SLIT3: variants seen among roughly 807,000 people sequenced by gnomAD.
The protein encoded by SLIT3 is slit guidance ligand 3, also known as slit homolog 3 protein.
Under a neutral mutation model 184.0 loss-of-function variants are expected in SLIT3, and 68 were observed. The ratio of observed to expected loss-of-function variants is 0.37; its 90% CI spans 0.30 to 0.45. The LOEUF (loss-of-function observed/expected upper bound fraction) is 0.45, where lower values mean the gene tolerates loss of function less well. SLIT3 is among the 20% of genes least tolerant of loss of function. The pLI, the probability that SLIT3 is intolerant of heterozygous loss-of-function variation, is 1.00. For synonymous variants in SLIT3, 831 were observed against 828.6 expected (o/e 1.00, Z -0.05); for missense variants, 1,707 against 2,026.0 (o/e 0.84, Z 3.02).
intron 12 of SLIT3, among the ~76,000 whole-genome samples, chr5:168,783,648 A>G (rs1424854722): frequency 1.3e-5 from 2 of 152,222 alleles, no homozygotes; most frequent in African/African-American, 4.8e-5. Flanking sequence ...TCAGACTACC[A>G]GAGTATTCTA....
chr5:168,672,746 T>G (rs1271008685), intron 33 of SLIT3, among the ~76,000 whole-genome samples: 2 of 152,224 alleles, frequency 1.3e-5, no homozygotes, highest in Non-Finnish European at 2.9e-5. Flanking sequence ...AGTGTTGGGA[T>G]TACAGGTGTG....
chr5:168,695,811 T>A (rs1762045903), intron 28 of SLIT3, among the ~76,000 whole-genome samples: 1 of 152,184 alleles, frequency 6.6e-6, no homozygotes, highest in African/African-American at 2.4e-5. Flanking sequence ...ATGTTCTCTT[T>A]CTAATGAATC....
rs533553803 is a variant in SLIT3, at chr5:168,876,929, A to T, written c.485+6336T>A. Among the ~76,000 whole-genome samples, 70 of 152,360 alleles carry T rather than the reference A, an allele frequency of 4.6e-4. No individual in the cohort carries two copies. The Middle Eastern group carries it at 0.014, about 30-fold the overall frequency. On this transcript the variant is annotated intron_variant, in intron 5 of 35. Transcript: ENST00000519560. ...AGTATATGGTATATATAATTTTCAT[A>T]TAAAGCATTTTAACAATGTGTATGA...
intron 4 of SLIT3, among the ~76,000 whole-genome samples, chr5:169,157,847 G>T (rs565462434): frequency 7.4e-4 from 112 of 151,722 alleles, no homozygotes; most frequent in Non-Finnish European, 1.4e-3. Context: ...AGAACCAAAT[G>T]AAAATTTCAG....
At chr5:169,202,287 C>T (rs1763925900) in intron 3 of SLIT3, among the ~76,000 whole-genome samples, 1 of 152,052 alleles carries the variant, frequency 6.6e-6, no homozygotes, top group African/African-American at 2.4e-5. Context: ...GTCCATCTAT[C>T]CATCCTTCCT....
chr5:168,881,349 A>G (rs1759944961), intron 5 of SLIT3, among the ~76,000 whole-genome samples: 1 of 152,218 alleles, frequency 6.6e-6, no homozygotes, highest in African/African-American at 2.4e-5. Context: ...AAACCCTAGC[A>G]ACTATTAAGA....
intron 5 of SLIT3, among the ~76,000 whole-genome samples, chr5:168,867,554 G>A (rs1205290795): frequency 2.0e-5 from 3 of 152,200 alleles, no homozygotes; most frequent in Non-Finnish European, 2.9e-5. Context: ...TCTGGAACAT[G>A]CCAGGGCCAT....
chr5:169,104,126 C>T (rs1215303715), intron 4 of SLIT3, among the ~76,000 whole-genome samples: 1 of 152,220 alleles, frequency 6.6e-6, no homozygotes, highest in Non-Finnish European at 1.5e-5. Flanking sequence ...TCTTACCTCT[C>T]CTTCTCTGGG....
chr5:168,746,238 T>C (rs1317390160), intron 20 of SLIT3, among the ~76,000 whole-genome samples: 1 of 150,806 alleles, frequency 6.6e-6, no homozygotes, highest in Non-Finnish European at 1.5e-5. Context: ...GCAAAAGAGA[T>C]GTCAAAGTCA....
intron 1 of SLIT3, among the ~76,000 whole-genome samples, chr5:169,299,532 T>G (rs1767614786): frequency 6.6e-6 from 1 of 152,074 alleles, no homozygotes; most frequent in Non-Finnish European, 1.5e-5. Context: ...ACTTCTCGGC[T>G]GGGTTCCCAG....
chr5:168,828,733 G>T (rs11956426), intron 6 of SLIT3, among the ~76,000 whole-genome samples: 16,761 of 151,292 alleles, frequency 0.11, 1,244 homozygotes, highest in African/African-American at 0.21. Flanking sequence ...TGTTAGAAAT[G>T]CATATGCTCA....
chr5:169,009,620 C>A (rs960343035), intron 4 of SLIT3, among the ~76,000 whole-genome samples: 1 of 152,208 alleles, frequency 6.6e-6, no homozygotes, highest in Non-Finnish European at 1.5e-5. Context: ...ATAGTGACAG[C>A]CTCATAGCTG....
Position 169,300,737 on chromosome 5 carries a change from G to A in SLIT3, c.-28C>T. The A allele has an allele frequency of 1.4e-5, 18 of 1,294,834 alleles. No individual in the cohort carries two copies. Among genetic ancestry groups the A allele is most frequent in the Non-Finnish European group, 1.8e-5 (18 of 1,023,840 alleles). The allele number at this position is 1,294,834 out of a possible 1,614,324, so 80.2% of individuals were successfully genotyped here. On this transcript the variant is annotated 5_prime_UTR_variant, in exon 1 of 36. Coordinates refer to ENST00000519560, the MANE Select transcript of SLIT3 (RefSeq NM_003062.4). The surrounding 1 kb of genome is among the most constrained non-coding windows in gnomAD (Gnocchi z 4.1). ...TGTGCAGGGCCCCGCTCCTGGAGGA[G>A]GCTGCCTCTGCGGGGCAAGACGCGT...
rs754617372 is a variant in SLIT3 at position 168,844,690 on chromosome 5, C to CG, written c.486-36dup. 6 of 1,607,418 alleles carry CG rather than the reference C, an allele frequency of 3.7e-6. No homozygotes were observed. The East Asian group carries it at 1.1e-4, about 30-fold the overall frequency. ...AGCAGGGGAGAGCATGAAGGCTGAG[C>CG]GGGGGCAGCGTGAGGGGCCGGCGGC... On this transcript the variant is annotated intron_variant, in intron 5 of 35. Transcript: ENST00000519560.
intron 4 of SLIT3, among the ~76,000 whole-genome samples, chr5:169,055,523 G>C (rs1757964998): frequency 6.6e-6 from 1 of 152,196 alleles, no homozygotes; most frequent in Non-Finnish European, 1.5e-5. Context: ...AAGGCTTAGG[G>C]AGAGAGTTGG....
chr5:168,698,855 A>G (rs546234987), intron 27 of SLIT3, among the ~76,000 whole-genome samples: 11 of 152,156 alleles, frequency 7.2e-5, no homozygotes, highest in African/African-American at 2.4e-4. Context: ...TTCCTTTTAC[A>G]TTAAGTTCTA....
chr5:168,715,139 C>G (rs1042302911), intron 23 of SLIT3, among the ~76,000 whole-genome samples: 3 of 152,174 alleles, frequency 2.0e-5, no homozygotes, highest in Non-Finnish European at 4.4e-5. Flanking sequence ...AGTCAGACTG[C>G]CTGGGTGTGA....
intron 3 of SLIT3, among the ~76,000 whole-genome samples, chr5:169,242,227 G>A (rs1217263593): frequency 6.6e-6 from 1 of 152,180 alleles, no homozygotes; most frequent in Non-Finnish European, 1.5e-5. Flanking sequence ...AACACTGAAA[G>A]GTATTATGAG....
chr5:169,135,583 G>A (rs1761472931), intron 4 of SLIT3, among the ~76,000 whole-genome samples: 1 of 152,184 alleles, frequency 6.6e-6, no homozygotes, highest in South Asian at 2.1e-4. Context: ...CAGTGGTAGT[G>A]AGGACAAGTA....
Sources: gnomAD v4.1 joint callset for allele counts (sites outside exome capture counted in the v4.1 genomes callset) on GRCh38, gnomAD v4.1.1 for gene constraint, Gnocchi (gnomAD v3.1) non-coding constraint, MANE v1.5 for transcripts, NCBI Gene and HGNC (gene_info 2026-07-23, HGNC 2026-07-21) for gene names.